Variants in DPY19L3 observed in about 807,000 individuals in gnomAD.
DPY19L3 encodes the protein protein C-mannosyl-transferase DPY19L3.
DPY19L3 carries 51 observed loss-of-function variants against 92.3 expected under a neutral mutation model. That is an observed-to-expected ratio of 0.55 (90% confidence interval 0.44 to 0.70). The LOEUF is 0.70. Ranked by LOEUF, DPY19L3 falls within the 30% of genes least tolerant of loss-of-function variation. The probability of loss-of-function intolerance (pLI) is 0.00; values close to 1 mark genes in which losing one functional copy is unlikely to be tolerated. For missense variants in DPY19L3, 706 were observed against 855.9 expected, an observed-to-expected ratio of 0.82 and a Z score of 2.18; for synonymous variants, 309 against 315.2, an observed-to-expected ratio of 0.98 and a Z score of 0.21.
chr19:32,425,144 T>C (rs931546917), intron 3 of DPY19L3, among the ~76,000 whole-genome samples: 2 of 152,152 alleles, frequency 1.3e-5, no homozygotes, highest in African/African-American at 4.8e-5. Context: ...TGCAAATGAA[T>C]CTTTTATAAC....
intron 7 of DPY19L3, 82 bp from the exon 8 acceptor site, chr19:32,439,694 C>A: frequency 7.0e-7 from 1 of 1,426,430 alleles, no homozygotes; most frequent in Non-Finnish European, 9.6e-7. Context: ...TATAGAGATA[C>A]TGGCTGCTCT....
chr19:32,455,116 T>G lies in DPY19L3; in HGVS notation c.1089+76T>G, dbSNP rs1969826226. 4 of 1,011,846 alleles carry G rather than the reference T, an allele frequency of 4.0e-6. No individual in the cohort carries two copies. In the South Asian group the frequency reaches 5.1e-5, roughly 13 times the overall value. 62.7% of individuals were successfully genotyped at this position (1,011,846 alleles called of 1,614,324 possible). A position where few individuals can be genotyped will look rare whatever the true frequency, so the allele number is the denominator to read the frequency against. ...ATTGGAGATAATTTTTGAAACTTTC[T>G]TTTTCTTTTTTAATAAACTAATTGT... On this transcript the variant is annotated intron_variant, in intron 10 of 18. Transcript: ENST00000392250.
At chr19:32,457,351 G>T (rs545196226) in intron 10 of DPY19L3, among the ~76,000 whole-genome samples, 3 of 152,104 alleles carry the variant, frequency 2.0e-5, no homozygotes, top group African/African-American at 7.2e-5. Context: ...TTATAAACCC[G>T]TGAGTAACAT....
chr19:32,460,237 C>T (rs954947440), intron 12 of DPY19L3, among the ~76,000 whole-genome samples: 3 of 150,532 alleles, frequency 2.0e-5, no homozygotes, highest in South Asian at 2.1e-4. Flanking sequence ...CGCATCTCTA[C>T]GGAAAAAAAA....
In DPY19L3 at chr19:32,422,629, AACACACACACACAC is replaced by A. The variant is rs66481682; in HGVS notation, c.238-10068_238-10055del. On this transcript the variant is annotated intron_variant, in intron 3 of 18. Transcript: ENST00000392250. ...AGAACGAGAACAATAAATCAGGAAA[AACACACACACACAC>A]ACACACACACACACACACGTTTAAA... is the stretch of plus-strand genomic sequence containing the variant. Among the ~76,000 whole-genome samples, 8 of 146,826 alleles carry A rather than the reference AACACACACACACAC, an allele frequency of 5.4e-5. No homozygotes were observed. The East Asian group carries it at 1.0e-3, about 18-fold the overall frequency.
intron 16 of DPY19L3, among the ~76,000 whole-genome samples, chr19:32,470,444 C>T (rs571439986): frequency 1.4e-4 from 21 of 152,126 alleles, no homozygotes; most frequent in South Asian, 2.1e-4. Flanking sequence ...GTGGGTCTTC[C>T]GGATCTCCTT....
intron 4 of DPY19L3, among the ~76,000 whole-genome samples, chr19:32,434,615 C>T (rs1376021757): frequency 2.0e-5 from 3 of 152,150 alleles, no homozygotes; most frequent in Non-Finnish European, 2.9e-5. Context: ...GCCGAGATCA[C>T]GCTACTGCAC....
intron 3 of DPY19L3, among the ~76,000 whole-genome samples, chr19:32,421,419 C>G (rs921952869): frequency 6.6e-6 from 1 of 152,138 alleles, no homozygotes; most frequent in East Asian, 1.9e-4. Flanking sequence ...GTGGGCACAT[C>G]ACTTGAGTCC....
chr19:32,444,375 G>A (rs1969420261), intron 8 of DPY19L3, among the ~76,000 whole-genome samples: 1 of 152,064 alleles, frequency 6.6e-6, no homozygotes, highest in Admixed American at 6.6e-5. Flanking sequence ...CAGTGAACTT[G>A]AAGATAGAAC....
intron 10 of DPY19L3, among the ~76,000 whole-genome samples, 188 bp downstream of exon 10, chr19:32,455,228 G>A (rs572918446): frequency 1.3e-5 from 2 of 152,168 alleles, no homozygotes; most frequent in South Asian, 2.1e-4. Flanking sequence ...CCAAGTTGCC[G>A]GGACTACAAG....
intron 16 of DPY19L3, among the ~76,000 whole-genome samples, chr19:32,477,263 CATT>C (rs1410402075): frequency 2.6e-5 from 4 of 151,992 alleles, no homozygotes; most frequent in African/African-American, 7.2e-5. Context: ...TCATACAAAA[CATT>C]GTTGTAAAAA....
chr19:32,408,062 G>GT (rs1968040599), intron 1 of DPY19L3, among the ~76,000 whole-genome samples, 155 bp from the exon 2 acceptor site: 1 of 152,068 alleles, frequency 6.6e-6, no homozygotes, highest in Non-Finnish European at 1.5e-5. Context: ...TCCAGCCTGA[G>GT]TGACAGTGAG....
chr19:32,413,189 A>G (rs1241737969), intron 3 of DPY19L3: 1 of 152,176 alleles, frequency 6.6e-6, no homozygotes, highest in Non-Finnish European at 1.5e-5. Context: ...AAAGCCAAAG[A>G]TGTGTATCTA....
At chr19:32,473,305 T>C (rs1243895986) in intron 16 of DPY19L3, among the ~76,000 whole-genome samples, 1 of 152,236 alleles carries the variant, frequency 6.6e-6, no homozygotes, top group African/African-American at 2.4e-5. Context: ...AAAAACAAAT[T>C]ATCCTTTCAT....
At chr19:32,453,041 GCAT>G (rs746903827) in intron 8 of DPY19L3, 101 bp from the exon 9 acceptor site, 287 of 1,320,030 alleles carry the variant, frequency 2.2e-4, no homozygotes, top group Non-Finnish European at 3.0e-4. Flanking sequence ...TGTGTTTTCT[GCAT>G]TATTTGTAAG....
At chr19:32,408,024 A>G (rs1268915878) in intron 1 of DPY19L3, among the ~76,000 whole-genome samples, 193 bp from the exon 2 acceptor site, 8 of 152,042 alleles carry the variant, frequency 5.3e-5, no homozygotes, top group Admixed American at 5.2e-4. Flanking sequence ...AGTAGAGGCT[A>G]CAGTGAGCCG....
chr19:32,471,288 G>C (rs1214830023), intron 16 of DPY19L3, among the ~76,000 whole-genome samples: 1 of 152,188 alleles, frequency 6.6e-6, no homozygotes, highest in Non-Finnish European at 1.5e-5. Context: ...CTGTCCCTGA[G>C]GGCTGCCTCT....
chr19:32,464,796 T>A lies in DPY19L3; in HGVS notation c.1614+12T>A. The A allele has an allele frequency of 6.7e-7, 1 of 1,498,722 alleles. No homozygotes were observed. The highest frequency in any genetic ancestry group is 9.0e-7 in the Non-Finnish European group (1 of 1,107,818). The allele number at this position is 1,498,722 out of a possible 1,614,324, so 92.8% of individuals were successfully genotyped here. Reference sequence around the variant, plus strand: ...ATCTATGCTATAAGGTAAGACTGATTTTCCTCATTCTTGTCATTCATGTAT... The same window carrying A: ...ATCTATGCTATAAGGTAAGACTGATATTCCTCATTCTTGTCATTCATGTAT... On this transcript the variant is annotated intron_variant, in intron 15 of 18. Transcript: ENST00000392250.
chr19:32,432,854 A>G (rs367805857), intron 4 of DPY19L3, 48 bp downstream of exon 4: 17 of 1,553,398 alleles, frequency 1.1e-5, no homozygotes, highest in African/African-American at 6.8e-5. Context: ...ATTTTTTTCA[A>G]TATTTTAGTG....
Sources: allele counts gnomAD v4.1 joint callset (sites outside exome capture counted in the v4.1 genomes callset), GRCh38; gene constraint gnomAD v4.1.1; transcripts MANE v1.5; gene names NCBI Gene and HGNC (gene_info 2026-07-23, HGNC 2026-07-21).